The following CMAS variants were observed in gnomAD, a reference collection of about 807,000 sequenced individuals.
The protein encoded by CMAS is N-acylneuraminate cytidylyltransferase.
A neutral mutation model predicts 53.4 loss-of-function variants in CMAS; 21 were observed. That is an observed-to-expected ratio of 0.39 (90% CI 0.28 to 0.57). The LOEUF (loss-of-function observed/expected upper bound fraction) is 0.57. CMAS is among the 20% of genes least tolerant of loss of function. The pLI is 0.56. For synonymous variants in CMAS, 189 were observed against 195.2 expected, an observed-to-expected ratio of 0.97 and a Z score of 0.27; for missense variants, 384 against 534.9, an observed-to-expected ratio of 0.72 and a Z score of 2.78.
chr12:22,049,945 A>G (rs1448503699), intron 1 of CMAS, among the ~76,000 whole-genome samples: 2 of 152,038 alleles, frequency 1.3e-5, no homozygotes, highest in African/African-American at 4.8e-5. Flanking sequence ...TAGCAAAATG[A>G]ATGTATTTCT....
chr12:22,052,446 A>G (rs578196300), intron 1 of CMAS, among the ~76,000 whole-genome samples: 13 of 152,342 alleles, frequency 8.5e-5, no homozygotes, highest in African/African-American at 2.6e-4. Flanking sequence ...TTTAAACATT[A>G]CTTAAAGACC....
chr12:22,061,722 T>C lies in CMAS; in HGVS notation c.960+270T>C, dbSNP rs75796308. On this transcript the variant is annotated intron_variant, in intron 6 of 7. Coordinates refer to ENST00000229329, the MANE Select transcript of CMAS (RefSeq NM_018686.6). ...GCTATCTAATGTTTCCCAAAGGATC[T>C]TGCAGCAAGAAAGATTCCCTAGATA... Among the ~76,000 whole-genome samples, 1,469 of 152,262 alleles carry C rather than the reference T, an allele frequency of 9.6e-3. 27 individuals are homozygous for C. The highest frequency in any genetic ancestry group is 0.034 in the African/African-American group (1,403 of 41,552).
In CMAS at chr12:22,060,921, A is replaced by G; in HGVS notation, c.783A>G (p.Val261=). The change falls in exon 5 of 8, where the codon GTA becomes GTG. Residue 261 remains valine, a synonymous_variant. Transcript: ENST00000229329. ...ATTGGCCTATTGCAGAGCAAAGAGT[A>G]TTAAGGTAAAAACAAATAAACCTTT... ...DIDWPIAEQR[V]LRYGYFGKEK... 1.3e-6 allele frequency: 2 copies of G among 1,569,908 alleles called. No individual in the cohort carries two copies. The highest frequency in any genetic ancestry group is 1.8e-6 in the Non-Finnish European group (2 of 1,140,482).
chr12:22,062,480 A>G, intron 7 of CMAS, 46 bp downstream of exon 7: 2 of 1,326,516 alleles, frequency 1.5e-6, no homozygotes, highest in Non-Finnish European at 2.0e-6. Flanking sequence ...CCAGGAATTA[A>G]TTATTTACTT....
At chr12:22,046,707 C>A in intron 1 of CMAS, 144 bp downstream of exon 1, 1 of 1,032,778 alleles carries the variant, frequency 9.7e-7, no homozygotes, top group Non-Finnish European at 1.3e-6. Flanking sequence ...ATCCGGGGTG[C>A]CTGGGGCCGG....
At chr12:22,055,359 G>A in intron 2 of CMAS, 68 bp downstream of exon 2, 2 of 1,480,888 alleles carry the variant, frequency 1.4e-6, no homozygotes, top group Non-Finnish European at 9.1e-7. Flanking sequence ...TATCTTATAA[G>A]ACTTGTTTTA....
chr12:22,064,901 T>C (rs1950335746), intron 7 of CMAS, among the ~76,000 whole-genome samples: 1 of 152,210 alleles, frequency 6.6e-6, no homozygotes, highest in Non-Finnish European at 1.5e-5. Flanking sequence ...TCTTCTTCTC[T>C]AGCTCATAAG....
intron 1 of CMAS, among the ~76,000 whole-genome samples, chr12:22,047,314 T>C (rs1429005520): frequency 6.6e-6 from 1 of 152,192 alleles, no homozygotes; most frequent in Non-Finnish European, 1.5e-5. Context: ...AAGCTGATGT[T>C]ATTCATAAAA....
chr12:22,046,745 G>A (rs1366233054), intron 1 of CMAS, among the ~76,000 whole-genome samples, 182 bp downstream of exon 1: 1 of 152,192 alleles, frequency 6.6e-6, no homozygotes, highest in Non-Finnish European at 1.5e-5. Flanking sequence ...AAGGGCTCCA[G>A]CTCCTTCCTT....
chr12:22,058,926 C>T (rs530690176), intron 4 of CMAS, among the ~76,000 whole-genome samples: 39 of 152,060 alleles, frequency 2.6e-4, no homozygotes, highest in African/African-American at 6.7e-4. Flanking sequence ...TCTGCTACAA[C>T]GATAAAAAAA....
chr12:22,050,853 C>T (rs1950236590), intron 1 of CMAS, among the ~76,000 whole-genome samples: 1 of 151,810 alleles, frequency 6.6e-6, no homozygotes, highest in Admixed American at 6.6e-5. Context: ...GAGCAAGTAC[C>T]CTCTTATTCA....
intron 1 of CMAS, among the ~76,000 whole-genome samples, chr12:22,046,879 A>G (rs1025237549): frequency 2.0e-5 from 3 of 152,322 alleles, no homozygotes; most frequent in African/African-American, 4.8e-5. Flanking sequence ...CTTACGGGGA[A>G]AAGTAAAGGA....
chr12:22,050,517 C>A (rs899606070), intron 1 of CMAS, among the ~76,000 whole-genome samples: 5 of 152,156 alleles, frequency 3.3e-5, no homozygotes, highest in African/African-American at 1.2e-4. Context: ...TTGTAATGAT[C>A]TTTAAAATTA....
chr12:22,051,282 T>C (rs1161486182), intron 1 of CMAS, among the ~76,000 whole-genome samples: 1 of 152,212 alleles, frequency 6.6e-6, no homozygotes, highest in Non-Finnish European at 1.5e-5. Flanking sequence ...TCAACAGTGG[T>C]TCAGTGCTGT....
Position 22,062,319 on chromosome 12 carries a change from G to T in CMAS, c.999G>T (p.Thr333=). 8.7e-6 allele frequency: 14 copies of T among 1,608,180 alleles called. No individual in the cohort carries two copies. The highest frequency in any genetic ancestry group is 3.4e-5 in the Admixed American group (2 of 59,476). The change falls in exon 7 of 8, where the codon ACG becomes ACT. Residue 333 remains threonine, a synonymous_variant. Transcript: ENST00000229329. ...CAGAAAGGGCCTGTTCAAAGCAGAC[G>T]CTGTCTTCTTTAAAACTGGATTGCA... is the stretch of plus-strand genomic sequence containing the variant. ...LISERACSKQ[T]LSSLKLDCKM...
chr12:22,054,979 ATACTT>A (rs1950258781), intron 1 of CMAS, 165 bp from the exon 2 acceptor site: 6 of 425,578 alleles, frequency 1.4e-5, no homozygotes, highest in East Asian at 3.8e-5. Context: ...TATATACAAA[ATACTT>A]TATAATTTCT....
At chr12:22,049,535 A>G (rs1950226960) in intron 1 of CMAS, among the ~76,000 whole-genome samples, 2 of 152,230 alleles carry the variant, frequency 1.3e-5, no homozygotes, top group Non-Finnish European at 2.9e-5. Context: ...CTTCTAGACT[A>G]GAGTGTAAAC....
intron 3 of CMAS, 60 bp downstream of exon 3, chr12:22,055,670 T>A: frequency 6.9e-7 from 1 of 1,449,070 alleles, no homozygotes. Flanking sequence ...TTTTTGTATA[T>A]AAATATCCTT....
chr12:22,054,307 A>G (rs533615288), intron 1 of CMAS, among the ~76,000 whole-genome samples: 5 of 152,200 alleles, frequency 3.3e-5, no homozygotes, highest in African/African-American at 1.2e-4. Flanking sequence ...CAAAACTTCA[A>G]TAGAAACTGG....
Sources: allele counts gnomAD v4.1 joint callset (sites outside exome capture counted in the v4.1 genomes callset), GRCh38; gene constraint gnomAD v4.1.1; transcripts MANE v1.5; gene names NCBI Gene and HGNC (gene_info 2026-07-23, HGNC 2026-07-21).